Variants in SPATA6 observed in about 807,000 individuals in gnomAD.
SPATA6 encodes the protein spermatogenesis associated 6.
In SPATA6, 56 loss-of-function variants were observed where a neutral mutation model predicts 65.3. The ratio of observed to expected loss-of-function variants is 0.86; its 90% confidence interval spans 0.69 to 1.07. The LOEUF is 1.07. Among genes scored for constraint, SPATA6 ranks in the 50% least tolerant of loss-of-function variants. SPATA6 has a pLI of 0.00. For missense variants in SPATA6, 590 were observed against 594.8 expected, an observed-to-expected ratio of 0.99 and a Z score of 0.08; for synonymous variants, 199 against 213.2, an observed-to-expected ratio of 0.93 and a Z score of 0.58.
At chr1:48,305,536 C>T (rs1174705726) in intron 12 of SPATA6, among the ~76,000 whole-genome samples, 2 of 152,022 alleles carry the variant, frequency 1.3e-5, no homozygotes, top group African/African-American at 4.8e-5. Flanking sequence ...AATAAATACA[C>T]ATTCTGAAGT....
intron 11 of SPATA6, among the ~76,000 whole-genome samples, chr1:48,326,731 T>C (rs893304740): frequency 3.3e-5 from 5 of 151,850 alleles, no homozygotes; most frequent in Non-Finnish European, 5.9e-5. Context: ...TTAACTAATG[T>C]TGACAAAAAC....
the SPATA6 span, among the ~76,000 whole-genome samples, chr1:48,281,131 C>CA: frequency 6.6e-6 from 1 of 152,178 alleles, no homozygotes; most frequent in Non-Finnish European, 1.5e-5. Context: ...CAAAATTCAA[C>CA]AACCTTTCAT....
At chr1:48,414,403 C>T (rs1652565195) in intron 3 of SPATA6, among the ~76,000 whole-genome samples, 2 of 152,140 alleles carry the variant, frequency 1.3e-5, no homozygotes, top group Non-Finnish European at 2.9e-5. Flanking sequence ...CATATCAGAG[C>T]CTAACCTATC....
chr1:48,319,822 A>G (rs1260913195), intron 11 of SPATA6, among the ~76,000 whole-genome samples: 1 of 152,196 alleles, frequency 6.6e-6, no homozygotes, highest in Non-Finnish European at 1.5e-5. Context: ...ATCCCTGAGC[A>G]TCCCGGTGAC....
intron 5 of SPATA6, 62 bp from the exon 6 acceptor site, chr1:48,403,944 A>G (rs1651434763): frequency 2.5e-6 from 3 of 1,207,090 alleles, no homozygotes; most frequent in Non-Finnish European, 3.5e-6. Context: ...ATTATTAATG[A>G]TAAGAATATG....
chr1:48,420,425 G>A (rs1186656725), intron 3 of SPATA6, among the ~76,000 whole-genome samples: 1 of 152,134 alleles, frequency 6.6e-6, no homozygotes, highest in African/African-American at 2.4e-5. Context: ...GGAAGTTCCA[G>A]CCTGGACTTG....
intron 11 of SPATA6, chr1:48,325,284 T>A: frequency 1.0e-6 from 1 of 997,502 alleles, no homozygotes. Context: ...ATGAGTGCTG[T>A]CTTGTGGAAA....
chr1:48,370,011 C>T (rs536319225), intron 9 of SPATA6, among the ~76,000 whole-genome samples: 52 of 152,216 alleles, frequency 3.4e-4, no homozygotes, highest in South Asian at 2.3e-3. Flanking sequence ...TTATACCACA[C>T]GTATGAAATA....
At chr1:48,308,871 G>T (rs1278246702) in intron 11 of SPATA6, among the ~76,000 whole-genome samples, 1 of 151,902 alleles carries the variant, frequency 6.6e-6, no homozygotes, top group Non-Finnish European at 1.5e-5. Context: ...TTCTCTTTTT[G>T]ACTCTGGCTT....
intron 3 of SPATA6, among the ~76,000 whole-genome samples, chr1:48,429,005 C>T (rs1412909087): frequency 1.3e-5 from 2 of 151,298 alleles, no homozygotes; most frequent in Non-Finnish European, 1.5e-5. Flanking sequence ...AACTATAAAC[C>T]GTGATCAATT....
intron 9 of SPATA6, among the ~76,000 whole-genome samples, chr1:48,373,119 G>C (rs1307070212): frequency 1.3e-5 from 2 of 152,202 alleles, no homozygotes; most frequent in African/African-American, 4.8e-5. Flanking sequence ...CCAAAAAACA[G>C]GTTTCTCTTT....
Position 48,403,862 on chromosome 1 carries a change from T to A in SPATA6, c.426A>T (p.Glu142Asp). ...SGLRGNAPRL[E>D]FSTTSVITEC... ...CAGTAATCACTGAAGTCGTAGAAAA[T>A]TCCAGCCTTGGAGCATTTCCCTGAG... The change falls in exon 6 of 13, where the codon GAA becomes GAT. Residue 142 changes from glutamate (E) to aspartate (D), a missense_variant. Physicochemically the swap from Glu to Asp is conservative, Grantham distance 45. Transcript: ENST00000371847. 1.2e-6 allele frequency: 2 copies of A among 1,610,420 alleles called. No individual in the cohort carries two copies. The highest frequency in any genetic ancestry group is 1.7e-6 in the Non-Finnish European group (2 of 1,178,624).
chr1:48,361,912 C>T (rs372453185), intron 9 of SPATA6, among the ~76,000 whole-genome samples: 6 of 152,012 alleles, frequency 3.9e-5, no homozygotes, highest in African/African-American at 9.7e-5. Flanking sequence ...CATTCCAGAA[C>T]CTAATAGAAC....
intron 11 of SPATA6, among the ~76,000 whole-genome samples, chr1:48,342,536 A>G (rs1646247899): frequency 6.6e-6 from 1 of 151,748 alleles, no homozygotes; most frequent in Non-Finnish European, 1.5e-5. Flanking sequence ...GAATGGCATG[A>G]ACCCCGGAGG....
At chr1:48,468,463 C>A (rs1354596426) in intron 1 of SPATA6, among the ~76,000 whole-genome samples, 2 of 152,160 alleles carry the variant, frequency 1.3e-5, no homozygotes, top group Non-Finnish European at 2.9e-5. Context: ...TATATTTACA[C>A]TGTACAAAGT....
chr1:48,348,125 C>T (rs983157732), intron 11 of SPATA6, among the ~76,000 whole-genome samples: 4 of 151,998 alleles, frequency 2.6e-5, no homozygotes, highest in African/African-American at 9.7e-5. Context: ...TGGGCAAGAA[C>T]AACCTACTGG....
At chr1:48,315,822 G>T (rs1172411565) in intron 11 of SPATA6, among the ~76,000 whole-genome samples, 1 of 152,186 alleles carries the variant, frequency 6.6e-6, no homozygotes, top group Non-Finnish European at 1.5e-5. Flanking sequence ...TCCTTAAGCT[G>T]ATAAGCAACG....
chr1:48,379,827 T>C (rs1046512462), intron 9 of SPATA6, among the ~76,000 whole-genome samples: 3 of 152,202 alleles, frequency 2.0e-5, no homozygotes, highest in Non-Finnish European at 4.4e-5. Context: ...ACATGCATGA[T>C]AGCCTTTAAA....
At chr1:48,327,740 C>T (rs891199313) in intron 11 of SPATA6, among the ~76,000 whole-genome samples, 36 of 152,038 alleles carry the variant, frequency 2.4e-4, no homozygotes, top group Non-Finnish European at 5.9e-5. Context: ...TGCATGTTCT[C>T]GTTTATAAGT....
Sources: gnomAD v4.1 joint callset for allele counts (sites outside exome capture counted in the v4.1 genomes callset) on GRCh38, gnomAD v4.1.1 for gene constraint, MANE v1.5 for transcripts, NCBI Gene and HGNC (gene_info 2026-07-23, HGNC 2026-07-21) for gene names.